PKHD1: variants seen among roughly 807,000 people sequenced by gnomAD.
PKHD1 encodes the protein fibrocystin.
In PKHD1, 291 loss-of-function variants were observed where a neutral mutation model predicts 412.0. The observed-to-expected ratio is 0.71, with a 90% CI of 0.64 to 0.78. The LOEUF (loss-of-function observed/expected upper bound fraction) is 0.78, where lower values mean the gene tolerates loss of function less well. PKHD1 is among the 30% of genes least tolerant of loss of function. The pLI, the probability that PKHD1 is intolerant of heterozygous loss-of-function variation, is 0.00. For synonymous variants in PKHD1, 1,777 were observed against 1,821.5 expected, an observed-to-expected ratio of 0.98 and a Z score of 0.62; for missense variants, 4,825 against 4,950.7, an observed-to-expected ratio of 0.97 and a Z score of 0.76.
chr6:52,039,633 G>A (rs964140573), intron 27 of PKHD1, among the ~76,000 whole-genome samples: 1 of 152,116 alleles, frequency 6.6e-6, no homozygotes, highest in Non-Finnish European at 1.5e-5. Context: ...AACACACATT[G>A]GAACCCTCTT....
intron 66 of PKHD1, among the ~76,000 whole-genome samples, chr6:51,619,723 CATGATGTTGATAATTGA>C: frequency 6.7e-6 from 1 of 149,780 alleles, no homozygotes; most frequent in East Asian, 2.0e-4. Context: ...AAAATACTTA[CATGATGTTGATAATTGA>C]ATGAGGATTT....
intron 8 of PKHD1, among the ~76,000 whole-genome samples, 189 bp downstream of exon 8, chr6:52,071,926 C>T (rs904012118): frequency 9.2e-5 from 14 of 152,132 alleles, no homozygotes; most frequent in African/African-American, 3.1e-4. Context: ...CTTCAATACG[C>T]ACTTTGAATC....
intron 60 of PKHD1, among the ~76,000 whole-genome samples, chr6:51,701,658 G>A (rs1779410615): frequency 6.6e-6 from 1 of 151,990 alleles, no homozygotes; most frequent in South Asian, 2.1e-4. Flanking sequence ...AGATACAAAA[G>A]AAGGATTAGA....
chr6:51,964,267 C>A (rs957912226), intron 35 of PKHD1, among the ~76,000 whole-genome samples: 4 of 152,010 alleles, frequency 2.6e-5, no homozygotes, highest in Non-Finnish European at 5.9e-5. Context: ...AAGCAAAGAC[C>A]TATTTGTGAG....
chr6:52,062,426 G>A (rs1808811597), intron 14 of PKHD1, 93 bp downstream of exon 14: 11 of 1,312,694 alleles, frequency 8.4e-6, no homozygotes, highest in Non-Finnish European at 1.2e-5. Context: ...ATAAATTCCT[G>A]GAAATCTTGA....
At chr6:51,809,883 C>A (rs1288279951) in intron 52 of PKHD1, among the ~76,000 whole-genome samples, 3 of 141,984 alleles carry the variant, frequency 2.1e-5, no homozygotes, top group Admixed American at 7.1e-5. Flanking sequence ...AAAAAAAAAA[C>A]ATAGGCTTAC....
At chr6:51,786,101 T>C (rs527571530) in intron 53 of PKHD1, among the ~76,000 whole-genome samples, 32 of 152,170 alleles carry the variant, frequency 2.1e-4, no homozygotes, top group Non-Finnish European at 3.8e-4. Flanking sequence ...ATAAGAGTAC[T>C]GAGACACAGC....
chr6:51,976,527 T>C (rs926956057), intron 35 of PKHD1, among the ~76,000 whole-genome samples: 2 of 152,162 alleles, frequency 1.3e-5, no homozygotes, highest in Admixed American at 1.3e-4. Flanking sequence ...CAGATTCCAG[T>C]TTGGGAAGAC....
intron 52 of PKHD1, among the ~76,000 whole-genome samples, chr6:51,813,097 G>A (rs1310029019): frequency 6.6e-6 from 1 of 152,092 alleles, no homozygotes; most frequent in Admixed American, 6.6e-5. Flanking sequence ...AAAACAAGCT[G>A]TAACCCAACC....
chr6:52,001,574 C>T (rs540309890), intron 35 of PKHD1, among the ~76,000 whole-genome samples: 12 of 151,968 alleles, frequency 7.9e-5, no homozygotes, highest in East Asian at 5.8e-4. Context: ...GGACTACAGG[C>T]GCCCACCACC....
chr6:51,683,414 A>C (rs1044820260), intron 60 of PKHD1, among the ~76,000 whole-genome samples: 2 of 152,136 alleles, frequency 1.3e-5, no homozygotes, highest in African/African-American at 4.8e-5. Flanking sequence ...AACTATAAGA[A>C]CAAATACCAA....
chr6:51,957,609 T>A (rs1321506), intron 36 of PKHD1, among the ~76,000 whole-genome samples: 42,153 of 151,916 alleles, frequency 0.28, 6,246 homozygotes, highest in Non-Finnish European at 0.31. Flanking sequence ...GCCGACGGGG[T>A]TCACTGATGG....
At chr6:51,818,077 T>C (rs1197068377) in intron 52 of PKHD1, among the ~76,000 whole-genome samples, 1 of 152,192 alleles carries the variant, frequency 6.6e-6, no homozygotes, top group African/African-American at 2.4e-5. Context: ...GGCAAACAGA[T>C]GGTTTCAAAC....
chr6:51,717,114 C>T (rs9370043), intron 60 of PKHD1, among the ~76,000 whole-genome samples: 53,760 of 152,078 alleles, frequency 0.35, 10,411 homozygotes, highest in East Asian at 0.62. Context: ...AACTACATTA[C>T]GACATTCCAG....
At chr6:51,911,751 GAAT>G (rs1782967874) in intron 39 of PKHD1, 45 bp downstream of exon 39, 1 of 1,504,408 alleles carries the variant, frequency 6.6e-7, no homozygotes, top group African/African-American at 1.4e-5. Context: ...CAGACAGTAA[GAAT>G]ATTCTTTTTT....
At chr6:51,804,359 T>TGGGGGGGGGG (rs147210503) in intron 52 of PKHD1, among the ~76,000 whole-genome samples, 1 of 31,844 alleles carries the variant, frequency 3.1e-5, no homozygotes, top group South Asian at 2.1e-3. Flanking sequence ...ACTAATTCAT[T>TGGGGGGGGGG]GGGGGGGGGG....
chr6:51,856,006 C>T lies in PKHD1; in HGVS notation c.7798G>A (p.Val2600Ile). The change falls in exon 49 of 67, where the codon GTC (valine) becomes ATC (isoleucine). Residue 2600 changes from valine to isoleucine, a missense_variant. Val to Ile is a conservative substitution (Grantham distance 29). Coordinates refer to ENST00000371117, the MANE Select transcript of PKHD1 (RefSeq NM_138694.4). ...MTDSRNKTTT[V>I]NYVRDTLSNP... ...GACAATGTATCACGTACATAATTGA[C>T]AGTGGTTGTTTTATTTCTGCTGTCA... 6.2e-7 allele frequency: 1 copy of T among 1,608,800 alleles called. No homozygotes were observed. The highest frequency in any genetic ancestry group is 8.5e-7 in the Non-Finnish European group (1 of 1,175,218).
intron 48 of PKHD1, 42 bp downstream of exon 48, chr6:51,867,821 A>C (rs1041058669): frequency 6.3e-7 from 1 of 1,579,630 alleles, no homozygotes; most frequent in Non-Finnish European, 8.7e-7. Flanking sequence ...TAACAGATGC[A>C]TGCCCATCGG....
chr6:51,791,105 G>C, intron 53 of PKHD1, 131 bp downstream of exon 53: 10 of 874,120 alleles, frequency 1.1e-5, no homozygotes, highest in Non-Finnish European at 1.7e-5. Context: ...CTTTACTGGT[G>C]CACTCACTAC....
Sources: allele counts gnomAD v4.1 joint callset (sites outside exome capture counted in the v4.1 genomes callset), GRCh38; gene constraint gnomAD v4.1.1; transcripts MANE v1.5; gene names NCBI Gene and HGNC (gene_info 2026-07-23, HGNC 2026-07-21).